Variants in CHD8 observed in about 807,000 individuals in gnomAD.
The protein encoded by CHD8 is chromodomain helicase DNA binding protein 8.
Under a neutral mutation model 279.2 loss-of-function variants are expected in CHD8, and 31 were observed. The observed-to-expected ratio is 0.11, with a 90% CI of 0.08 to 0.15. CHD8 has a LOEUF of 0.15. Among genes scored for constraint, CHD8 ranks in the 10% least tolerant of loss-of-function variants. The pLI is 1.00. For synonymous variants in CHD8, 1,081 were observed against 1,139.6 expected, an observed-to-expected ratio of 0.95 and a Z score of 1.04; for missense variants, 2,146 against 3,230.5, an observed-to-expected ratio of 0.66 and a Z score of 8.14.
chr14:21,398,200 G>A, intron 26 of CHD8: 1 of 241,122 alleles, frequency 4.1e-6, no homozygotes, highest in South Asian at 1.4e-4. Flanking sequence ...GATTCCAGGT[G>A]TAAGCCACCA....
At chr14:21,443,242 T>G (rs1465484002) in intron 1 of CHD8, among the ~76,000 whole-genome samples, 1 of 150,446 alleles carries the variant, frequency 6.6e-6, no homozygotes, top group Admixed American at 6.6e-5. Context: ...ATACAAAAAA[T>G]TAGCCGGGTG....
intron 5 of CHD8, among the ~76,000 whole-genome samples, chr14:21,419,301 G>C (rs545667773): frequency 6.6e-6 from 1 of 152,302 alleles, no homozygotes; most frequent in South Asian, 2.1e-4. Context: ...GCTCATGTCT[G>C]TAATCCTAGC....
chr14:21,451,571 CAAAAAAAAAA>C (rs969355375), intron 1 of CHD8, among the ~76,000 whole-genome samples: 2,086 of 31,540 alleles, frequency 0.066, 58 homozygotes, highest in African/African-American at 0.22. Flanking sequence ...GACTCTGTCT[CAAAAAAAAAA>C]AAAAAAAAAA....
chr14:21,388,277 T>A (rs988146904), intron 37 of CHD8, among the ~76,000 whole-genome samples: 7 of 152,342 alleles, frequency 4.6e-5, no homozygotes, highest in African/African-American at 1.4e-4. Flanking sequence ...CAGCCTTCCA[T>A]ATCCATGGAT....
chr14:21,438,425 A>C (rs1281418046), intron 1 of CHD8, among the ~76,000 whole-genome samples: 1 of 150,916 alleles, frequency 6.6e-6, no homozygotes, highest in South Asian at 2.1e-4. Flanking sequence ...CTGCAATCCC[A>C]GCACTTAGAG....
rs561100431 is a variant in CHD8 at position 21,401,089 on chromosome 14, G to A, written c.4174-18C>T. On this transcript the variant is annotated intron_variant, in intron 21 of 37. Coordinates refer to ENST00000646647, the MANE Select transcript of CHD8 (RefSeq NM_001170629.2). ...AAATTATTCTATGAAGAGAACAGAA[G>A]GAGAAGTAATTCTCTTCCTGATTTG... 53 of 1,552,830 alleles carry A rather than the reference G, an allele frequency of 3.4e-5. No homozygotes were observed. The highest frequency in any genetic ancestry group is 4.4e-5 in the Non-Finnish European group (50 of 1,144,144).
At chr14:21,395,218 CA>C in intron 29 of CHD8, 79 bp downstream of exon 29, 2 of 1,520,800 alleles carry the variant, frequency 1.3e-6, no homozygotes, top group Admixed American at 1.8e-5. Flanking sequence ...TTAGAAATCC[CA>C]GGATAGGACA....
intron 27 of CHD8, chr14:21,397,572 T>C: frequency 2.4e-6 from 1 of 424,970 alleles, no homozygotes; most frequent in Non-Finnish European, 4.5e-6. Flanking sequence ...TACAGAAGAG[T>C]GTTGTAAACC....
At chr14:21,392,973 G>GT (rs1887616100) in intron 33 of CHD8, 133 bp downstream of exon 33, 4 of 914,886 alleles carry the variant, frequency 4.4e-6, no homozygotes, top group Non-Finnish European at 5.9e-6. Context: ...GAAGTTTCCT[G>GT]GAAAAAAAAA....
At chr14:21,386,560 G>C (rs1392528488) in intron 37 of CHD8, among the ~76,000 whole-genome samples, 1 of 152,180 alleles carries the variant, frequency 6.6e-6, no homozygotes, top group Non-Finnish European at 1.5e-5. Flanking sequence ...ACTTGTGACC[G>C]GGCGCGGTGG....
intron 2 of CHD8, chr14:21,429,677 T>G: frequency 2.6e-6 from 1 of 388,718 alleles, no homozygotes; most frequent in Non-Finnish European, 5.0e-6. Context: ...GTCACCATAT[T>G]GATGTCAAAC....
At chr14:21,433,329 T>C (rs1889642711) in intron 1 of CHD8, among the ~76,000 whole-genome samples, 1 of 152,112 alleles carries the variant, frequency 6.6e-6, no homozygotes, top group South Asian at 2.1e-4. Context: ...ATGAAACTAG[T>C]GGAAAAAAGA....
intron 5 of CHD8, among the ~76,000 whole-genome samples, chr14:21,421,243 G>GCATATA (rs1477189743): frequency 1.3e-5 from 2 of 152,034 alleles, no homozygotes; most frequent in East Asian, 3.9e-4. Context: ...AAAAATGGAT[G>GCATATA]CATATACATA....
At chr14:21,386,311 A>G (rs769395436) in intron 37 of CHD8, 135 bp from the exon 38 acceptor site, 5 of 766,762 alleles carry the variant, frequency 6.5e-6, no homozygotes, top group Non-Finnish European at 1.0e-5. Flanking sequence ...GCACAGCGAT[A>G]CTAGGCTTGA....
chr14:21,451,042 T>C (rs370559147), intron 1 of CHD8, among the ~76,000 whole-genome samples: 8 of 152,268 alleles, frequency 5.3e-5, no homozygotes, highest in African/African-American at 1.9e-4. Flanking sequence ...AATATTAATA[T>C]ACAAAGGAAA....
At chr14:21,414,224 G>C (rs1029709981) in intron 9 of CHD8, 77 bp downstream of exon 9, 18 of 780,116 alleles carry the variant, frequency 2.3e-5, no homozygotes, top group Admixed American at 4.4e-5. Flanking sequence ...GTATTTTGAA[G>C]AATCAGCCAA....
chr14:21,430,480 T>A, intron 2 of CHD8: 1 of 238,186 alleles, frequency 4.2e-6, no homozygotes, highest in Non-Finnish European at 8.3e-6. Context: ...AAACTTTGTA[T>A]CACACAATTA....
In CHD8 at chr14:21,403,634, G is replaced by C; in HGVS notation, c.3337C>G (p.Arg1113Gly). ...GAEEKILTEF[R>G]EACHIIPHDF... ...TGAGGTATAATATGGCAAGCTTCAC[G>C]GAATTCTGTTAGGATTTTTTCTTCA... is the stretch of plus-strand genomic sequence containing the variant. Residue 1113 changes from arginine (R) to glycine (G), a missense_variant, in exon 17 of 38, where the codon CGT (arginine) becomes GGT (glycine). Coordinates refer to ENST00000646647, the MANE Select transcript of CHD8 (RefSeq NM_001170629.2). The surrounding 1 kb of genome is among the most constrained non-coding windows in gnomAD (Gnocchi z 4.3). The C allele has an allele frequency of 1.2e-6, 2 of 1,600,222 alleles. No individual in the cohort carries two copies. The highest frequency in any genetic ancestry group is 2.2e-5 in the East Asian group (1 of 44,498).
At chr14:21,391,332 G>T (rs187409405) in intron 36 of CHD8, 131 bp downstream of exon 36, 1 of 862,144 alleles carries the variant, frequency 1.2e-6, no homozygotes, top group Non-Finnish European at 1.8e-6. Context: ...GGAAGACTGG[G>T]TATTATTAAT....
Sources: allele counts gnomAD v4.1 joint callset (sites outside exome capture counted in the v4.1 genomes callset), GRCh38; gene constraint gnomAD v4.1.1; non-coding constraint Gnocchi (gnomAD v3.1); transcripts MANE v1.5; gene names NCBI Gene and HGNC (gene_info 2026-07-23, HGNC 2026-07-21).